Variants in TASP1 observed in about 807,000 individuals in gnomAD.
TASP1 encodes the protein threonine aspartase 1.
TASP1 carries 16 observed loss-of-function variants against 56.6 expected under a neutral mutation model. The observed-to-expected ratio is 0.28, with a 90% CI of 0.19 to 0.43. The LOEUF (loss-of-function observed/expected upper bound fraction) is 0.43, where lower values mean the gene tolerates loss of function less well. Ranked by LOEUF, TASP1 falls within the 20% of genes least tolerant of loss-of-function variation. TASP1 has a pLI of 1.00. For synonymous variants in TASP1, 179 were observed against 184.2 expected (o/e 0.97, Z 0.23); for missense variants, 393 against 511.6 (o/e 0.77, Z 2.24).
intron 10 of TASP1, among the ~76,000 whole-genome samples, chr20:13,504,473 T>C (rs1195566156): frequency 1.3e-5 from 2 of 152,180 alleles, no homozygotes; most frequent in Admixed American, 6.6e-5. Flanking sequence ...AAGGGAGTTC[T>C]ACTAGCTGAA....
chr20:13,497,421 A>C (rs2043773803), intron 10 of TASP1, among the ~76,000 whole-genome samples: 1 of 152,258 alleles, frequency 6.6e-6, no homozygotes, highest in East Asian at 1.9e-4. Context: ...AAGATCTCAT[A>C]GGTGGGTGAA....
At chr20:13,205,007 T>C in the TASP1 span, among the ~76,000 whole-genome samples, 1 of 152,116 alleles carries the variant, frequency 6.6e-6, no homozygotes, top group Non-Finnish European at 1.5e-5. Flanking sequence ...GGGGTACCTA[T>C]GTTGCCTCTT....
intron 4 of TASP1, among the ~76,000 whole-genome samples, chr20:13,612,221 T>A (rs990973798): frequency 6.6e-6 from 1 of 152,170 alleles, no homozygotes; most frequent in South Asian, 2.1e-4. Flanking sequence ...AGAGCCAGAT[T>A]AGTGGTCAGA....
chr20:13,589,508 T>C lies in TASP1; in HGVS notation c.283-2138A>G, dbSNP rs560392301. Reference sequence around the variant, plus strand: ...TGTAAGAGCTAAAACTACCTAACTCTTCAAAGAAAACATAACAACAAATGT... The same window carrying C: ...TGTAAGAGCTAAAACTACCTAACTCCTCAAAGAAAACATAACAACAAATGT... On this transcript the variant is annotated intron_variant, in intron 4 of 13. Transcript: ENST00000337743. Among the ~76,000 whole-genome samples, 3 of 152,248 alleles carry C rather than the reference T, an allele frequency of 2.0e-5. No homozygotes were observed. The South Asian group carries it at 6.2e-4, about 32-fold the overall frequency.
At chr20:13,281,841 G>C in the TASP1 span, among the ~76,000 whole-genome samples, 1 of 152,178 alleles carries the variant, frequency 6.6e-6, no homozygotes, top group South Asian at 2.1e-4. Context: ...TTGTTTCTAT[G>C]AGTAGAGCTC....
intron 4 of TASP1, among the ~76,000 whole-genome samples, chr20:13,603,141 G>A (rs2048024557): frequency 6.6e-6 from 1 of 152,110 alleles, no homozygotes; most frequent in African/African-American, 2.4e-5. Flanking sequence ...TGAGGCTAGA[G>A]AATCGCTTGA....
intron 7 of TASP1, 86 bp from the exon 8 acceptor site, chr20:13,559,200 C>A: frequency 2.5e-6 from 2 of 804,274 alleles, no homozygotes; most frequent in South Asian, 3.0e-5. Flanking sequence ...AAGAGCCTTC[C>A]CAGAAGAAAA....
intron 7 of TASP1, among the ~76,000 whole-genome samples, chr20:13,567,701 G>A (rs1321147057): frequency 6.6e-6 from 1 of 152,042 alleles, no homozygotes; most frequent in East Asian, 1.9e-4. Context: ...GAAACCAGAT[G>A]ATAAGAGAAC....
At chr20:13,167,465 A>AC in the TASP1 span, 2 of 152,192 alleles carry the variant, frequency 1.3e-5, no homozygotes, top group African/African-American at 4.8e-5. Context: ...ACATGCACAC[A>AC]CACATACACA....
chr20:13,315,533 T>A, the TASP1 span, among the ~76,000 whole-genome samples: 1 of 151,986 alleles, frequency 6.6e-6, no homozygotes, highest in Non-Finnish European at 1.5e-5. Context: ...TCAAAATACA[T>A]GAGAAAGAAA....
At chr20:13,126,456 T>G in the TASP1 span, 13 of 1,007,540 alleles carry the variant, frequency 1.3e-5, no homozygotes, top group Admixed American at 2.7e-5. Context: ...CCATTGAAAG[T>G]TGGACCCCAT....
At chr20:13,397,786 G>A (rs564801642) in intron 13 of TASP1, among the ~76,000 whole-genome samples, 6 of 152,158 alleles carry the variant, frequency 3.9e-5, no homozygotes, top group Admixed American at 6.5e-5. Context: ...TGTCTTTTTC[G>A]GTAAAAGTGA....
At chr20:13,133,420 T>C in the TASP1 span, among the ~76,000 whole-genome samples, 1 of 152,198 alleles carries the variant, frequency 6.6e-6, no homozygotes, top group Non-Finnish European at 1.5e-5. Flanking sequence ...TGTGGATTTC[T>C]TGTAGATAGA....
At chr20:13,144,909 G>A in the TASP1 span, among the ~76,000 whole-genome samples, 5 of 152,152 alleles carry the variant, frequency 3.3e-5, no homozygotes, top group East Asian at 5.8e-4. Flanking sequence ...CAAGTAGCTG[G>A]GACTACAGGC....
intron 13 of TASP1, chr20:13,392,704 A>G: frequency 3.6e-6 from 2 of 550,892 alleles, no homozygotes; most frequent in Non-Finnish European, 7.0e-6. Context: ...AAGTAAAAAG[A>G]TTTGGCAGTA....
chr20:13,254,464 C>T, the TASP1 span, among the ~76,000 whole-genome samples: 1 of 152,150 alleles, frequency 6.6e-6, no homozygotes, highest in Admixed American at 6.5e-5. Flanking sequence ...ACCTGCCCCC[C>T]GCATCTCCTG....
At chr20:13,143,643 C>T in the TASP1 span, among the ~76,000 whole-genome samples, 2 of 152,168 alleles carry the variant, frequency 1.3e-5, no homozygotes, top group African/African-American at 2.4e-5. Flanking sequence ...TTCCCCATAC[C>T]CTCCTCCCTG....
intron 11 of TASP1, among the ~76,000 whole-genome samples, chr20:13,450,763 T>C (rs2043588276): frequency 6.6e-6 from 1 of 152,128 alleles, no homozygotes; most frequent in African/African-American, 2.4e-5. Context: ...TTCCAAACTC[T>C]TGTGAATGTT....
intron 11 of TASP1, among the ~76,000 whole-genome samples, chr20:13,441,992 T>C (rs1284782653): frequency 1.3e-5 from 2 of 152,088 alleles, no homozygotes; most frequent in Non-Finnish European, 2.9e-5. Flanking sequence ...ATGCCCAAAT[T>C]CCTTAGTCTG....
Sources: gnomAD v4.1 joint callset for allele counts (sites outside exome capture counted in the v4.1 genomes callset) on GRCh38, gnomAD v4.1.1 for gene constraint, MANE v1.5 for transcripts, NCBI Gene and HGNC (gene_info 2026-07-23, HGNC 2026-07-21) for gene names.